The following RBMS3 variants were observed in gnomAD, a reference collection of about 807,000 sequenced individuals.
The protein encoded by RBMS3 is RNA-binding motif, single-stranded-interacting protein 3.
A neutral mutation model predicts 66.8 loss-of-function variants in RBMS3; 27 were observed. The observed-to-expected ratio is 0.40, with a 90% CI of 0.30 to 0.56. The LOEUF is 0.56. Ranked by LOEUF, RBMS3 falls within the 20% of genes least tolerant of loss-of-function variation. The pLI is 0.40. For missense variants in RBMS3, 513 were observed against 549.5 expected (o/e 0.93, Z 0.66); for synonymous variants, 188 against 183.0 (o/e 1.03, Z -0.22).
At chr3:29,902,824 CG>C (rs2060287269) in intron 10 of RBMS3, among the ~76,000 whole-genome samples, 1 of 151,862 alleles carries the variant, frequency 6.6e-6, no homozygotes, top group Admixed American at 6.6e-5. Context: ...AGAAGCCCTT[CG>C]GGTTCTCTCT....
At chr3:29,981,106 C>T (rs1697956771) in intron 12 of RBMS3, among the ~76,000 whole-genome samples, 1 of 152,172 alleles carries the variant, frequency 6.6e-6, no homozygotes. Context: ...TCTCTTATTT[C>T]CTTGAGCAGT....
intron 4 of RBMS3, among the ~76,000 whole-genome samples, chr3:29,680,641 CA>C (rs373175255): frequency 1.8e-4 from 27 of 152,220 alleles, no homozygotes; most frequent in African/African-American, 6.3e-4. Flanking sequence ...CAAATACAAT[CA>C]AAGATGAAAA....
intron 10 of RBMS3, among the ~76,000 whole-genome samples, chr3:29,921,654 T>C (rs997941087): frequency 9.2e-5 from 14 of 152,132 alleles, no homozygotes; most frequent in African/African-American, 3.1e-4. Context: ...CAACAGGAAT[T>C]ACCGAAATGT....
intron 12 of RBMS3, among the ~76,000 whole-genome samples, chr3:29,965,637 C>T (rs940697440): frequency 6.6e-6 from 1 of 152,042 alleles, no homozygotes; most frequent in African/African-American, 2.4e-5. Context: ...GGTCCTTTGT[C>T]AGATGTATAG....
At chr3:29,520,963 GGTTGT>G (rs1386417050) in intron 3 of RBMS3, among the ~76,000 whole-genome samples, 1 of 151,942 alleles carries the variant, frequency 6.6e-6, no homozygotes, top group Non-Finnish European at 1.5e-5. Flanking sequence ...GAGTCTCAAG[GGTTGT>G]TCCTAACTGT....
At chr3:29,628,456 A>G (rs2049150349) in intron 4 of RBMS3, among the ~76,000 whole-genome samples, 1 of 152,044 alleles carries the variant, frequency 6.6e-6, no homozygotes, top group African/African-American at 2.4e-5. Context: ...TGTGGTTTTT[A>G]TAGGGGGCTG....
In RBMS3 at chr3:29,680,787, A is replaced by G. The variant is rs940712167; in HGVS notation, c.400-58933A>G. ...TCTATTACAGGTATCAGTACACTTCACTTCTAAACATTCAGCATGTATATC... is the reference window on the plus strand; with the variant it reads ...TCTATTACAGGTATCAGTACACTTCGCTTCTAAACATTCAGCATGTATATC... On this transcript the variant is annotated intron_variant, in intron 4 of 14. Transcript: ENST00000383767. 8.5e-5 allele frequency among the ~76,000 whole-genome samples: 13 copies of G among 152,226 alleles called. No homozygotes were observed. The South Asian group carries it at 2.5e-3, about 29-fold the overall frequency.
chr3:29,542,259 A>AGTGAT (rs1357563273), intron 3 of RBMS3, among the ~76,000 whole-genome samples: 1 of 152,020 alleles, frequency 6.6e-6, no homozygotes, highest in East Asian at 1.9e-4. Context: ...AAATGTAGAA[A>AGTGAT]GTGATGTCTT....
Position 29,298,494 on chromosome 3 carries a change from T to C in RBMS3, c.75+16738T>C, listed in dbSNP as rs548537372. ...ACCTTTGCTTCCCTTATAGTTTGCT[T>C]TCTTCCTTTTTAATAATTCAAAATA... is the stretch of plus-strand genomic sequence containing the variant. On this transcript the variant is annotated intron_variant, in intron 1 of 14. Transcript: ENST00000383767. Among the ~76,000 whole-genome samples, 381 of 152,064 alleles carry C rather than the reference T, an allele frequency of 2.5e-3. 1 individual carries two copies. The highest frequency in any genetic ancestry group is 4.0e-3 in the Non-Finnish European group (269 of 67,902).
intron 3 of RBMS3, among the ~76,000 whole-genome samples, chr3:29,526,812 C>T (rs2045131166): frequency 6.6e-6 from 1 of 151,930 alleles, no homozygotes; most frequent in African/African-American, 2.4e-5. Context: ...AACTCCTCAC[C>T]TCCAATTCCT....
intron 10 of RBMS3, among the ~76,000 whole-genome samples, chr3:29,928,161 G>A (rs1304890507): frequency 3.7e-5 from 5 of 135,914 alleles, no homozygotes; most frequent in Admixed American, 2.3e-4. Context: ...GGAGAAACTG[G>A]TCTGCTCCTC....
intron 2 of RBMS3, among the ~76,000 whole-genome samples, chr3:29,479,119 A>G (rs1392823165): frequency 6.6e-6 from 1 of 152,188 alleles, no homozygotes; most frequent in Non-Finnish European, 1.5e-5. Context: ...ATATAACTTA[A>G]GTGCTGCATG....
intron 4 of RBMS3, among the ~76,000 whole-genome samples, chr3:29,610,524 T>C (rs554782562): frequency 1.3e-5 from 2 of 152,070 alleles, no homozygotes; most frequent in Non-Finnish European, 2.9e-5. Flanking sequence ...TCCTTGATCC[T>C]TTCTAGCTTC....
At chr3:29,395,673 C>A (rs1457514775) in intron 1 of RBMS3, among the ~76,000 whole-genome samples, 1 of 152,084 alleles carries the variant, frequency 6.6e-6, no homozygotes, top group Non-Finnish European at 1.5e-5. Context: ...TTAATTTTCT[C>A]AAAAATATTG....
intron 3 of RBMS3, among the ~76,000 whole-genome samples, chr3:29,548,662 A>G (rs1341803213): frequency 6.6e-6 from 1 of 152,144 alleles, no homozygotes; most frequent in Non-Finnish European, 1.5e-5. Context: ...TTATTGTTGA[A>G]TATCACATGC....
At chr3:29,634,037 G>A (rs1437579852) in intron 4 of RBMS3, among the ~76,000 whole-genome samples, 1 of 151,828 alleles carries the variant, frequency 6.6e-6, no homozygotes, top group Non-Finnish European at 1.5e-5. Flanking sequence ...TCTGACAAAG[G>A]AAGATGTTTA....
chr3:29,392,326 A>G (rs1457299452), intron 1 of RBMS3, among the ~76,000 whole-genome samples: 1 of 152,188 alleles, frequency 6.6e-6, no homozygotes, highest in Non-Finnish European at 1.5e-5. Context: ...ATACAAACCA[A>G]ATGAATATGT....
intron 1 of RBMS3, among the ~76,000 whole-genome samples, chr3:29,376,781 C>T (rs1348509870): frequency 6.6e-6 from 1 of 152,184 alleles, no homozygotes; most frequent in East Asian, 1.9e-4. Context: ...TGGCGGGCGC[C>T]TGTAGTCCCA....
At chr3:29,631,945 C>T (rs182322819) in intron 4 of RBMS3, among the ~76,000 whole-genome samples, 1 of 152,050 alleles carries the variant, frequency 6.6e-6, no homozygotes, top group Admixed American at 6.6e-5. Context: ...GAACAAGCGA[C>T]ACATACATGT....
Sources: allele counts gnomAD v4.1 joint callset (sites outside exome capture counted in the v4.1 genomes callset), GRCh38; gene constraint gnomAD v4.1.1; transcripts MANE v1.5; gene names NCBI Gene and HGNC (gene_info 2026-07-23, HGNC 2026-07-21).